The following MEFV variants were observed in gnomAD, a reference collection of about 807,000 sequenced individuals.
MEFV encodes MEFV innate immunity regulator, pyrin, also known as pyrin.
MEFV carries 60 observed loss-of-function variants against 62.5 expected under a neutral mutation model. That is an observed-to-expected ratio of 0.96 (90% CI 0.78 to 1.19). The LOEUF (loss-of-function observed/expected upper bound fraction) is 1.19. MEFV is among the 50% of genes most tolerant of loss of function. MEFV has a pLI of 0.00. For missense variants in MEFV, 1,169 were observed against 1,004.5 expected (o/e 1.16, Z -2.21); for synonymous variants, 500 against 415.2 (o/e 1.20, Z -2.48).
At chr16:3,250,340 G>T (rs1332084846) in intron 2 of MEFV, among the ~76,000 whole-genome samples, 1 of 152,256 alleles carries the variant, frequency 6.6e-6, no homozygotes, top group Non-Finnish European at 1.5e-5. Context: ...GCTGGGTGGT[G>T]GCTCATGCCT....
intron 4 of MEFV, 127 bp downstream of exon 4, chr16:3,248,782 C>T (rs975166515): frequency 1.9e-6 from 3 of 1,589,294 alleles, no homozygotes; most frequent in African/African-American, 1.3e-5. Flanking sequence ...TGGTTACCCT[C>T]TGTCCCCTGA....
chr16:3,243,937 A>C lies in MEFV; in HGVS notation c.1760-45T>G, dbSNP rs1958900464. ...AGGGAAAAAAATCCTGAGCATTAGC[A>C]TTAAGAGGGGCTAAATTACACTGTC... On this transcript the variant is annotated intron_variant, in intron 8 of 9. Coordinates refer to ENST00000219596, the MANE Select transcript of MEFV (RefSeq NM_000243.3). 3.1e-6 allele frequency: 5 copies of C among 1,611,424 alleles called. No individual in the cohort carries two copies. In the African/African-American group the frequency reaches 5.3e-5, roughly 17 times the overall value.
chr16:3,249,171 C>T (rs1324568378), intron 3 of MEFV, among the ~76,000 whole-genome samples, 167 bp from the exon 4 acceptor site: 1 of 152,196 alleles, frequency 6.6e-6, no homozygotes, highest in African/African-American at 2.4e-5. Context: ...GGCTGAATTG[C>T]CAAAGGCAGC....
chr16:3,250,411 C>T (rs912358501), intron 2 of MEFV, among the ~76,000 whole-genome samples: 2 of 151,882 alleles, frequency 1.3e-5, no homozygotes, highest in African/African-American at 4.8e-5. Context: ...GAGTTTGAGA[C>T]CAGCCTGGGC....
rs533038862 is a variant in MEFV, at chr16:3,242,221, G to A, written c.*920C>T. ...CTACTAAAAATGCAAAAAATTAGCCGGGCATGGTGGCGGGCGCCTGTAATC... is the reference window on the plus strand; with the variant it reads ...CTACTAAAAATGCAAAAAATTAGCCAGGCATGGTGGCGGGCGCCTGTAATC... On this transcript the variant is annotated 3_prime_UTR_variant, in exon 10 of 10. Coordinates refer to ENST00000219596, the MANE Select transcript of MEFV (RefSeq NM_000243.3). The A allele has an allele frequency of 3.2e-4, 76 of 237,034 alleles. No individual in the cohort carries two copies. Among genetic ancestry groups the A allele is most frequent in the African/African-American group, 1.4e-3 (58 of 42,234 alleles). 14.7% of individuals were successfully genotyped at this position (237,034 alleles called of 1,614,324 possible). A position where few individuals can be genotyped will look rare whatever the true frequency, so the allele number is the denominator to read the frequency against.
intron 1 of MEFV, 86 bp from the exon 2 acceptor site, chr16:3,254,876 G>A (rs1959093869): frequency 6.3e-7 from 1 of 1,593,904 alleles, no homozygotes; most frequent in South Asian, 1.1e-5. Flanking sequence ...AATCCCCTTG[G>A]ATATTAAAGT....
In MEFV at chr16:3,247,099, C is replaced by A. The variant is rs140462252; in HGVS notation, c.1504G>T (p.Val502Leu). ...GQIRKAYDTR[V>L]SQDIALLDAL... ...TCGAGCAGGGCGATGTCCTGGGATA[C>A]GCGGGTGTCATATGCCTTCCTGATC... The change falls in exon 5 of 10, where the codon GTA becomes TTA. Residue 502 changes from valine to leucine, a missense_variant. Transcript: ENST00000219596. 6.2e-7 allele frequency: 1 copy of A among 1,614,046 alleles called. No individual in the cohort carries two copies. Among genetic ancestry groups the A allele is most frequent in the African/African-American group, 1.3e-5 (1 of 74,940 alleles).
chr16:3,247,153 G>A lies in MEFV; in HGVS notation c.1450C>T (p.Leu484=), dbSNP rs760827469. ...CCAACCATCTGGCCCACGTCCTCCA[G>A]TGAGGCCACAAAGAAATGCTCTTGC... ...EQQEHFFVAS[L]EDVGQMVGQI... is the part of the protein sequence containing the mutation. Residue 484 remains leucine (L), a synonymous_variant, in exon 5 of 10, where the codon CTG becomes TTG. Coordinates refer to ENST00000219596, the MANE Select transcript of MEFV (RefSeq NM_000243.3). 2 of 1,614,152 alleles carry A rather than the reference G, an allele frequency of 1.2e-6. No homozygotes were observed. The highest frequency in any genetic ancestry group is 1.7e-5 in the Admixed American group (1 of 59,984).
chr16:3,253,382 A>G (rs1443603624), intron 2 of MEFV, among the ~76,000 whole-genome samples: 3 of 151,726 alleles, frequency 2.0e-5, no homozygotes, highest in Non-Finnish European at 4.4e-5. Context: ...CCCTCCCTGG[A>G]CTCTAAAATC....
At chr16:3,246,271 T>C (rs941790705) in intron 6 of MEFV, 4 of 560,340 alleles carry the variant, frequency 7.1e-6, no homozygotes, top group African/African-American at 3.8e-5. Flanking sequence ...GGAGCCTCCA[T>C]CTTGTTTCAG....
Position 3,242,814 on chromosome 16 carries a change from T to G in MEFV, c.*327A>C, listed in dbSNP as rs916436142. The G allele has an allele frequency of 4.9e-6, 2 of 411,552 alleles. No individual in the cohort carries two copies. The highest frequency in any genetic ancestry group is 7.2e-5 in the Admixed American group (2 of 27,710). 25.5% of individuals were successfully genotyped at this position (411,552 alleles called of 1,614,324 possible). ...AACAAGGGGACATATATCCTTGCCG[T>G]GGGGTTCTGAGGGAAAATGAGGGCC... On this transcript the variant is annotated 3_prime_UTR_variant, in exon 10 of 10. Coordinates refer to ENST00000219596, the MANE Select transcript of MEFV (RefSeq NM_000243.3).
In MEFV at chr16:3,247,183, C is replaced by A; in HGVS notation, c.1420G>T (p.Glu474Ter). 6.2e-7 allele frequency: 1 copy of A among 1,614,164 alleles called. No individual in the cohort carries two copies. The highest frequency in any genetic ancestry group is 8.5e-7 in the Non-Finnish European group (1 of 1,180,030). ...GCCACAAAGAAATGCTCTTGCTGCT[C>A]CAGGAAGTAGTACACCTGCTCCAGC... ...RKLEQVYYFLEQQEHFFVASL... is the reference protein window; with the variant it reads ...RKLEQVYYFL The change falls in exon 5 of 10, where the codon GAG becomes TAG. Residue 474 changes from glutamate to a stop codon, truncating the protein, a stop_gained. Coordinates refer to ENST00000219596, the MANE Select transcript of MEFV (RefSeq NM_000243.3). LOFTEE classifies it high-confidence loss of function.
Position 3,243,454 on chromosome 16 carries a change from C to T in MEFV, c.2033G>A (p.Gly678Glu), listed in dbSNP as rs104895088. ...ATTCTCTGGCGACAGAGTCATGTTCCCTTTCCTGCTTATGGATGTCTTGCA... is the reference window on the plus strand; with the variant it reads ...ATTCTCTGGCGACAGAGTCATGTTCTCTTTCCTGCTTATGGATGTCTTGCA... ...GACKTSISRK[G>E]NMTLSPENGY... The change falls in exon 10 of 10, where the codon GGG becomes GAG. Residue 678 changes from glycine to glutamate, a missense_variant. By Grantham distance (98) the Gly-to-Glu change is moderately conservative. Transcript: ENST00000219596. 110 of 1,613,986 alleles carry T rather than the reference C, an allele frequency of 6.8e-5. No homozygotes were observed. Among genetic ancestry groups the T allele is most frequent in the Non-Finnish European group, 8.8e-5 (104 of 1,180,046 alleles).
intron 2 of MEFV, among the ~76,000 whole-genome samples, chr16:3,252,238 C>G (rs1959046068): frequency 6.6e-6 from 1 of 151,430 alleles, no homozygotes; most frequent in African/African-American, 2.4e-5. Context: ...ATCCTTTCCC[C>G]TCCCAGGTCT....
Position 3,244,527 on chromosome 16 carries a change from G to A in MEFV, c.1672C>T (p.Gln558Ter). ...AACTCTGACTTCTGGTGGAGGAGTT[G>A]GATCTTTTGTTTTATCTCTTGAGGA... ...TTPQEIKQKI[Q>*]LLHQKSEFVE... The change falls in exon 7 of 10, where the codon CAA (glutamine) becomes TAA (stop). Residue 558 changes from glutamine to a stop codon, truncating the protein, a stop_gained. Coordinates refer to ENST00000219596, the MANE Select transcript of MEFV (RefSeq NM_000243.3). LOFTEE classifies it high-confidence loss of function. 1 of 1,614,144 alleles carries A rather than the reference G, an allele frequency of 6.2e-7. No homozygotes were observed.
At position 3,244,593 on chromosome 16, in the gene MEFV, A is replaced by G; in HGVS notation, c.1611-5T>C. The stretch of plus-strand genomic sequence containing the variant: ...GGGACAGGCACTGTCTTAGCCCTAG[A>G]GACAAAAGACTGTTGACCAGAGAAG... On this transcript the variant is annotated splice_region_variant and splice_polypyrimidine_tract_variant and intron_variant, in intron 6 of 9. Coordinates refer to ENST00000219596, the MANE Select transcript of MEFV (RefSeq NM_000243.3). 1 of 1,610,694 alleles carries G rather than the reference A, an allele frequency of 6.2e-7. No individual in the cohort carries two copies. Among genetic ancestry groups the G allele is most frequent in the Non-Finnish European group, 8.5e-7 (1 of 1,177,306 alleles).
At chr16:3,243,834 C>A in intron 9 of MEFV, 26 bp downstream of exon 9, 1 of 1,612,762 alleles carries the variant, frequency 6.2e-7, no homozygotes, top group South Asian at 1.1e-5. Context: ...CAGGCCAGGG[C>A]CACTTGCCTT....
chr16:3,254,825 G>A (rs754726258), intron 1 of MEFV, 35 bp from the exon 2 acceptor site: 77 of 1,606,504 alleles, frequency 4.8e-5, no homozygotes, highest in Non-Finnish European at 6.4e-5. Context: ...TGATGAAGCT[G>A]TCCCACGTTT....
intron 1 of MEFV, 130 bp downstream of exon 1, chr16:3,256,181 A>C: frequency 9.0e-7 from 1 of 1,112,450 alleles, no homozygotes; most frequent in Non-Finnish European, 1.3e-6. Flanking sequence ...AACTAAAGTC[A>C]TCTGGATTTT....
Sources: allele counts gnomAD v4.1 joint callset (sites outside exome capture counted in the v4.1 genomes callset), GRCh38; gene constraint gnomAD v4.1.1; transcripts MANE v1.5; gene names NCBI Gene and HGNC (gene_info 2026-07-23, HGNC 2026-07-21).